Variants in MPRIP observed in about 807,000 individuals in gnomAD.
MPRIP encodes myosin phosphatase Rho-interacting protein.
MPRIP carries 59 observed loss-of-function variants against 234.9 expected under a neutral mutation model. The ratio of observed to expected loss-of-function variants is 0.25; its 90% confidence interval spans 0.20 to 0.31. The LOEUF (loss-of-function observed/expected upper bound fraction) is 0.31, where lower values mean the gene tolerates loss of function less well. Ranked by LOEUF, MPRIP falls within the 10% of genes least tolerant of loss-of-function variation. The pLI is 1.00. For synonymous variants in MPRIP, 1,144 were observed against 1,263.9 expected (o/e 0.91, Z 2.01); for missense variants, 2,436 against 3,071.0 (o/e 0.79, Z 4.89).
intron 15 of MPRIP, among the ~76,000 whole-genome samples, 170 bp from the exon 16 acceptor site, chr17:17,163,939 A>AAAG (rs1555590622): frequency 6.6e-6 from 1 of 151,942 alleles, no homozygotes; most frequent in Non-Finnish European, 1.5e-5. Context: ...AAAAAAAAAA[A>AAAG]AAAAGAAAAT....
chr17:17,088,730 T>C (rs147843276), intron 3 of MPRIP, among the ~76,000 whole-genome samples: 87 of 152,270 alleles, frequency 5.7e-4, no homozygotes, highest in African/African-American at 1.9e-3. Context: ...CTGGAAAATA[T>C]ATCATGTCCA....
intron 23 of MPRIP, 80 bp from the exon 24 acceptor site, chr17:17,184,743 G>A (rs1415305438): frequency 9.3e-7 from 1 of 1,078,972 alleles, no homozygotes; most frequent in South Asian, 1.3e-5. Flanking sequence ...TCCACCAGCG[G>A]TCCGGTCTGG....
intron 1 of MPRIP, among the ~76,000 whole-genome samples, chr17:17,057,201 G>T (rs1467504975): frequency 1.3e-5 from 2 of 152,204 alleles, no homozygotes; most frequent in Admixed American, 6.5e-5. Flanking sequence ...AATAAGGCCT[G>T]CCCAGAGCCT....
Position 17,187,466 on chromosome 17 carries a change from G to C in MPRIP, c.*2572G>C, listed in dbSNP as rs896083258. 6.6e-6 allele frequency: 1 copy of C among 152,234 alleles called. No homozygotes were observed. The highest frequency in any genetic ancestry group is 6.5e-5 in the Admixed American group (1 of 15,286). 9.4% of individuals were successfully genotyped at this position (152,234 alleles called of 1,614,324 possible). ...CTCATACAGGGACAGCCACCATCTG[G>C]GTCAAGGAAGTCTGGGTTCCCTGCT... On this transcript the variant is annotated 3_prime_UTR_variant, in exon 24 of 24. Coordinates refer to ENST00000651222, the MANE Select transcript of MPRIP (RefSeq NM_001364716.4).
intron 3 of MPRIP, among the ~76,000 whole-genome samples, chr17:17,087,402 C>G (rs1401479749): frequency 6.6e-6 from 1 of 152,162 alleles, no homozygotes; most frequent in Non-Finnish European, 1.5e-5. Context: ...TTCTGTACCT[C>G]CAGTGTTGGA....
At chr17:17,183,555 G>T (rs940436279) in intron 23 of MPRIP, among the ~76,000 whole-genome samples, 2 of 152,220 alleles carry the variant, frequency 1.3e-5, no homozygotes, top group East Asian at 3.8e-4. Context: ...GCAGAACCCT[G>T]TATTTAAAAA....
intron 3 of MPRIP, among the ~76,000 whole-genome samples, chr17:17,081,875 G>A (rs1229441343): frequency 6.6e-6 from 1 of 152,212 alleles, no homozygotes; most frequent in East Asian, 1.9e-4. Flanking sequence ...CAAATTTCCC[G>A]AAAAAGGAAA....
rs745456443 is a variant in MPRIP at position 17,180,054 on chromosome 17, G to A, written c.7172G>A (p.Cys2391Tyr). The A allele has an allele frequency of 4.0e-5, 64 of 1,592,668 alleles. No homozygotes were observed. The Middle Eastern group carries it at 8.3e-4, about 21-fold the overall frequency. Residue 2391 changes from cysteine to tyrosine, a missense_variant, in exon 23 of 24, where the codon TGT becomes TAT. Around this residue, in one of 4 missense-constraint regions of MPRIP, gnomAD observed 1,998 missense variants for 2,520.3 expected, o/e 0.79. Transcript: ENST00000651222. ...NPDFLKKDRS[C>Y]VTRQLRNIRS... ...GACTTCTTGAAGAAAGACAGATCCT[G>A]TGTCACCCGGCAACTCAGAAACATC...
At chr17:17,180,940 AACTC>A (rs1371982401) in intron 23 of MPRIP, among the ~76,000 whole-genome samples, 1 of 152,174 alleles carries the variant, frequency 6.6e-6, no homozygotes, top group Non-Finnish European at 1.5e-5. Flanking sequence ...ACAACGGCTG[AACTC>A]ACTCCACCCC....
intron 3 of MPRIP, among the ~76,000 whole-genome samples, chr17:17,096,616 G>A (rs1393287782): frequency 6.6e-6 from 1 of 152,100 alleles, no homozygotes; most frequent in African/African-American, 2.4e-5. Context: ...ACCTACCTGG[G>A]ACTAACAATA....
At chr17:17,042,999 C>T (rs1180124655) in intron 1 of MPRIP, 28 bp downstream of exon 1, 2 of 1,602,960 alleles carry the variant, frequency 1.2e-6, no homozygotes, top group Non-Finnish European at 1.7e-6. Context: ...GCCCGGACAC[C>T]TCCGTTCTGG....
chr17:17,057,547 C>T (rs1267018244), intron 1 of MPRIP: 1 of 714,504 alleles, frequency 1.4e-6, no homozygotes, highest in South Asian at 1.5e-5. Context: ...CAGTGGTCCC[C>T]AGAGGACCTT....
chr17:17,071,145 C>T (rs1028194797), intron 1 of MPRIP, among the ~76,000 whole-genome samples: 1 of 152,162 alleles, frequency 6.6e-6, no homozygotes, highest in Non-Finnish European at 1.5e-5. Flanking sequence ...CCACCCTGGC[C>T]GGGGTGTGGG....
intron 16 of MPRIP, 76 bp from the exon 17 acceptor site, chr17:17,171,642 T>A (rs2046137117): frequency 6.5e-7 from 1 of 1,550,316 alleles, no homozygotes; most frequent in Non-Finnish European, 8.7e-7. Context: ...GTGGGATTCC[T>A]GGCTCCTTTA....
chr17:17,073,664 C>T (rs140737438), intron 1 of MPRIP, among the ~76,000 whole-genome samples: 31 of 152,182 alleles, frequency 2.0e-4, no homozygotes, highest in African/African-American at 5.3e-4. Context: ...TGTCCAGCTC[C>T]GGCTTTCCCA....
chr17:17,045,811 T>G (rs1011153681), intron 1 of MPRIP, among the ~76,000 whole-genome samples: 1 of 151,582 alleles, frequency 6.6e-6, no homozygotes, highest in Non-Finnish European at 1.5e-5. Flanking sequence ...TATACAGTTT[T>G]TTTTTTTTTT....
intron 3 of MPRIP, among the ~76,000 whole-genome samples, chr17:17,122,149 T>C (rs573747075): frequency 6.6e-6 from 1 of 152,230 alleles, no homozygotes; most frequent in East Asian, 1.9e-4. Flanking sequence ...GAATGACTTA[T>C]ATTCCTTTGG....
chr17:17,145,964 T>C, intron 9 of MPRIP, 72 bp from the exon 10 acceptor site: 4 of 1,426,610 alleles, frequency 2.8e-6, no homozygotes, highest in Non-Finnish European at 3.9e-6. Flanking sequence ...TGGACAGAAA[T>C]ACTGGCCCCA....
At chr17:17,050,469 A>G (rs747889990) in intron 1 of MPRIP, among the ~76,000 whole-genome samples, 2 of 151,924 alleles carry the variant, frequency 1.3e-5, no homozygotes, top group East Asian at 1.9e-4. Context: ...CCACTTTCCC[A>G]CTGCTTAGTA....
Sources: allele counts gnomAD v4.1 joint callset (sites outside exome capture counted in the v4.1 genomes callset), GRCh38; gene constraint gnomAD v4.1.1; regional missense constraint gnomAD v4.1.1; transcripts MANE v1.5; gene names NCBI Gene and HGNC (gene_info 2026-07-23, HGNC 2026-07-21).